Variants in SNAP91 observed in about 807,000 individuals in gnomAD.
The protein encoded by SNAP91 is synaptosome associated protein 91.
A neutral mutation model predicts 100.3 loss-of-function variants in SNAP91; 27 were observed. The ratio of observed to expected loss-of-function variants is 0.27; its 90% CI spans 0.20 to 0.37. SNAP91 has a LOEUF of 0.37. Among genes scored for constraint, SNAP91 ranks in the 10% least tolerant of loss-of-function variants. SNAP91 has a pLI of 1.00. For synonymous variants in SNAP91, 404 were observed against 398.6 expected, an observed-to-expected ratio of 1.01 and a Z score of -0.16; for missense variants, 986 against 1,123.7, an observed-to-expected ratio of 0.88 and a Z score of 1.75.
intron 2 of SNAP91, among the ~76,000 whole-genome samples, chr6:83,673,038 TCA>T (rs1396067194): frequency 2.6e-5 from 4 of 152,180 alleles, no homozygotes; most frequent in Admixed American, 1.3e-4. Flanking sequence ...AAGTCCAAGG[TCA>T]CACTAAAATG....
chr6:83,602,889 C>A (rs555355201), intron 14 of SNAP91, among the ~76,000 whole-genome samples: 2 of 152,014 alleles, frequency 1.3e-5, no homozygotes, highest in South Asian at 4.1e-4. Flanking sequence ...ATAATGCATG[C>A]GGGGCTTAAA....
chr6:83,670,373 T>C (rs1355641848), intron 2 of SNAP91, among the ~76,000 whole-genome samples: 1 of 151,840 alleles, frequency 6.6e-6, no homozygotes, highest in African/African-American at 2.4e-5. Flanking sequence ...TATTTGCCAT[T>C]GGTATACATT....
At chr6:83,622,686 T>C (rs1480835105) in intron 9 of SNAP91, among the ~76,000 whole-genome samples, 1 of 151,040 alleles carries the variant, frequency 6.6e-6, no homozygotes, top group East Asian at 1.9e-4. Context: ...ATCTATATAT[T>C]AGGATCCATA....
intron 16 of SNAP91, among the ~76,000 whole-genome samples, chr6:83,595,769 G>T (rs2094407543): frequency 6.6e-6 from 1 of 152,132 alleles, no homozygotes; most frequent in Admixed American, 6.5e-5. Context: ...GCTCTTCCTT[G>T]GTGATTTACT....
intron 9 of SNAP91, among the ~76,000 whole-genome samples, chr6:83,622,079 C>T (rs766836033): frequency 1.3e-5 from 2 of 151,836 alleles, no homozygotes; most frequent in Non-Finnish European, 2.9e-5. Context: ...AATTTTTTGG[C>T]CATATCCAAA....
intron 2 of SNAP91, among the ~76,000 whole-genome samples, chr6:83,682,589 T>C (rs1479881890): frequency 6.6e-6 from 1 of 151,912 alleles, no homozygotes; most frequent in Non-Finnish European, 1.5e-5. Context: ...TTTTTTATTT[T>C]ATTATTATTA....
At chr6:83,707,653 C>A in intron 2 of SNAP91, 145 bp downstream of exon 2, 1 of 1,124,564 alleles carries the variant, frequency 8.9e-7, no homozygotes, top group South Asian at 1.5e-5. Flanking sequence ...GGAACACCTT[C>A]ACAGCTGAAG....
chr6:83,630,020 G>A (rs148089731), intron 8 of SNAP91, among the ~76,000 whole-genome samples: 477 of 152,102 alleles, frequency 3.1e-3, no homozygotes, highest in Middle Eastern at 0.01. Context: ...ATTGATGTAC[G>A]TCCCTTGTAT....
chr6:83,652,473 G>C (rs1238811503), intron 7 of SNAP91, among the ~76,000 whole-genome samples: 1 of 151,996 alleles, frequency 6.6e-6, no homozygotes, highest in Non-Finnish European at 1.5e-5. Context: ...TTGATAGTGT[G>C]AGTATAACAA....
intron 26 of SNAP91, among the ~76,000 whole-genome samples, chr6:83,571,669 T>C (rs1234490323): frequency 6.6e-6 from 1 of 152,214 alleles, no homozygotes; most frequent in Non-Finnish European, 1.5e-5. Context: ...CAGATGAGAC[T>C]CTGGACTGTG....
rs1002568620 is a variant in SNAP91, at chr6:83,697,691, T to C, written c.130+10107A>G. On this transcript the variant is annotated intron_variant, in intron 2 of 29. Coordinates refer to ENST00000369694, the MANE Select transcript of SNAP91 (RefSeq NM_001242792.2). ...GTTTGTATTCCTCCAATATTACACTTCTATTGCTTTTATAGTCTTTTGAGA... is the reference window on the plus strand; with the variant it reads ...GTTTGTATTCCTCCAATATTACACTCCTATTGCTTTTATAGTCTTTTGAGA... Among the ~76,000 whole-genome samples the C allele has an allele frequency of 2.6e-5, 4 of 152,160 alleles. No individual in the cohort carries two copies. The East Asian group carries it at 7.7e-4, about 29-fold the overall frequency.
chr6:83,620,280 C>CT (rs2096659558), intron 9 of SNAP91, among the ~76,000 whole-genome samples: 1 of 152,188 alleles, frequency 6.6e-6, no homozygotes, highest in Non-Finnish European at 1.5e-5. Flanking sequence ...TCCATCTCTT[C>CT]TTTAACACTC....
At chr6:83,592,683 C>T (rs1582825033) in intron 20 of SNAP91, 145 bp from the exon 21 acceptor site, 12 of 724,378 alleles carry the variant, frequency 1.7e-5, no homozygotes, top group South Asian at 5.6e-5. Flanking sequence ...GAAAAGCAAA[C>T]GGGTTTTAAA....
At chr6:83,667,556 A>T (rs1438256973) in intron 2 of SNAP91, among the ~76,000 whole-genome samples, 1 of 152,010 alleles carries the variant, frequency 6.6e-6, no homozygotes, top group Non-Finnish European at 1.5e-5. Context: ...TAACATGTTT[A>T]TATGTAACAT....
At chr6:83,670,561 T>C (rs1428182019) in intron 2 of SNAP91, among the ~76,000 whole-genome samples, 1 of 151,960 alleles carries the variant, frequency 6.6e-6, no homozygotes, top group Non-Finnish European at 1.5e-5. Context: ...TATGGAGGTT[T>C]TCTTTTAAGA....
chr6:83,567,492 T>C (rs1798455566), intron 26 of SNAP91, among the ~76,000 whole-genome samples: 2 of 151,984 alleles, frequency 1.3e-5, no homozygotes, highest in South Asian at 2.1e-4. Flanking sequence ...AAAGCCAAAA[T>C]TGACAAATGG....
At position 83,593,881 on chromosome 6, in the gene SNAP91, T is replaced by C. The variant is rs373591710; in HGVS notation, c.1433-140A>G. ...TGAGGCTCCTTGGATTTAACTACTA[T>C]CCTACTGGCAGGGGTTAGTGATTAG... On this transcript the variant is annotated intron_variant, in intron 17 of 29. Transcript: ENST00000369694. 2.0e-5 allele frequency: 26 copies of C among 1,325,088 alleles called. No homozygotes were observed. The East Asian group carries it at 5.1e-4, about 26-fold the overall frequency. 82.1% of individuals were successfully genotyped at this position (1,325,088 alleles called of 1,614,324 possible). A position where few individuals can be genotyped will look rare whatever the true frequency, so the allele number is the denominator to read the frequency against.
At position 83,629,932 on chromosome 6, in the gene SNAP91, T is replaced by C. The variant is rs143631789; in HGVS notation, c.766-6590A>G. Among the ~76,000 whole-genome samples, 1,079 of 152,194 alleles carry C rather than the reference T, an allele frequency of 7.1e-3. 8 individuals carry two copies. Among genetic ancestry groups the C allele is most frequent in the African/African-American group, 0.025 (1,020 of 41,526 alleles). ...GTAGGCATTCTTGTCTTGTTCCAGT[T>C]CTCAGAGGAAATGCTATCAACTTTT... On this transcript the variant is annotated intron_variant, in intron 8 of 29. Transcript: ENST00000369694.
intron 2 of SNAP91, among the ~76,000 whole-genome samples, chr6:83,702,936 C>A (rs887175649): frequency 1.3e-5 from 2 of 152,296 alleles, no homozygotes; most frequent in Middle Eastern, 3.4e-3. Flanking sequence ...CAACCCTGAT[C>A]ACATGGTCTC....
Sources: gnomAD v4.1 joint callset for allele counts (sites outside exome capture counted in the v4.1 genomes callset) on GRCh38, gnomAD v4.1.1 for gene constraint, MANE v1.5 for transcripts, NCBI Gene and HGNC (gene_info 2026-07-23, HGNC 2026-07-21) for gene names.